MAP4K3: variants seen among roughly 807,000 people sequenced by gnomAD.
The protein encoded by MAP4K3 is MAPK/ERK kinase kinase kinase 3.
Under a neutral mutation model 143.5 loss-of-function variants are expected in MAP4K3, and 94 were observed. That is an observed-to-expected ratio of 0.65 (90% CI 0.55 to 0.78). The LOEUF is 0.78. Ranked by LOEUF, MAP4K3 falls within the 30% of genes least tolerant of loss-of-function variation. The pLI, the probability that MAP4K3 is intolerant of heterozygous loss-of-function variation, is 0.00. For missense variants in MAP4K3, 1,077 were observed against 1,068.1 expected, an observed-to-expected ratio of 1.01 and a Z score of -0.12; for synonymous variants, 416 against 347.2, an observed-to-expected ratio of 1.20 and a Z score of -2.20.
intron 1 of MAP4K3, among the ~76,000 whole-genome samples, chr2:39,384,112 T>TAA (rs59384266): frequency 1.6e-4 from 22 of 139,004 alleles, no homozygotes; most frequent in Admixed American, 8.7e-4. Flanking sequence ...AGACCAGTAT[T>TAA]AAAAAAAAAA....
intron 3 of MAP4K3, 49 bp downstream of exon 3, chr2:39,356,200 T>G (rs1433798433): frequency 9.4e-7 from 1 of 1,060,072 alleles, no homozygotes; most frequent in African/African-American, 1.6e-5. Flanking sequence ...TTTAATGCAT[T>G]AGGTGATGAA....
At chr2:39,412,582 A>T (rs1233765180) in intron 1 of MAP4K3, among the ~76,000 whole-genome samples, 1 of 152,088 alleles carries the variant, frequency 6.6e-6, no homozygotes, top group African/African-American at 2.4e-5. Flanking sequence ...AAAAAATAAA[A>T]CCCTAGAAAC....
intron 1 of MAP4K3, among the ~76,000 whole-genome samples, chr2:39,401,609 G>A (rs906744860): frequency 5.9e-5 from 9 of 152,044 alleles, no homozygotes; most frequent in Non-Finnish European, 2.9e-5. Context: ...AGACCAGCCT[G>A]GGTGACACGG....
At chr2:39,366,984 C>T (rs1665941089) in intron 2 of MAP4K3, among the ~76,000 whole-genome samples, 1 of 152,122 alleles carries the variant, frequency 6.6e-6, no homozygotes, top group African/African-American at 2.4e-5. Context: ...TTGATTCCTA[C>T]TTATTTCAAA....
At chr2:39,317,846 G>A (rs1330915797) in intron 12 of MAP4K3, among the ~76,000 whole-genome samples, 5 of 152,082 alleles carry the variant, frequency 3.3e-5, no homozygotes, top group Non-Finnish European at 7.4e-5. Context: ...AAGCAGTCTG[G>A]GGATTTCTCA....
Position 39,288,145 on chromosome 2 carries a change from G to T in MAP4K3, c.1450C>A (p.Pro484Thr). Residue 484 changes from proline (P) to threonine (T), a missense_variant, in exon 20 of 34, where the codon CCC becomes ACC. This residue lies in a region of MAP4K3 where 864 missense variants were observed against 801.2 expected (regional missense o/e 1.08). Coordinates refer to ENST00000263881, the MANE Select transcript of MAP4K3 (RefSeq NM_003618.4). ...CCTAAGGCAACAGGTTTGTGTGGGG[G>T]TAATCTGGGAGGTGGTGGTCTAGGT... Reference protein sequence around the residue: ...VPPRPPPPRLPPHKPVALGNG... With the variant: ...VPPRPPPPRLTPHKPVALGNG... The T allele has an allele frequency of 1.9e-6, 3 of 1,614,102 alleles. No individual in the cohort carries two copies. Among genetic ancestry groups the T allele is most frequent in the Non-Finnish European group, 2.5e-6 (3 of 1,180,004 alleles).
intron 1 of MAP4K3, among the ~76,000 whole-genome samples, chr2:39,409,679 T>C (rs987393575): frequency 6.6e-5 from 10 of 152,202 alleles, no homozygotes; most frequent in African/African-American, 1.7e-4. Context: ...ATAGTAGATA[T>C]TGAGATATAC....
At chr2:39,285,600 AAT>A (rs1274835909) in intron 21 of MAP4K3, among the ~76,000 whole-genome samples, 2 of 150,958 alleles carry the variant, frequency 1.3e-5, no homozygotes, top group African/African-American at 2.5e-5. Context: ...TTTTAAGAAT[AAT>A]ATGTCATATT....
intron 3 of MAP4K3, among the ~76,000 whole-genome samples, chr2:39,351,708 A>T (rs1240105968): frequency 6.6e-6 from 1 of 152,184 alleles, no homozygotes; most frequent in Admixed American, 6.5e-5. Flanking sequence ...TCGCTCTGTC[A>T]CTCAGGCTGG....
At chr2:39,277,380 A>G (rs922412384) in intron 24 of MAP4K3, among the ~76,000 whole-genome samples, 1 of 152,216 alleles carries the variant, frequency 6.6e-6, no homozygotes, top group Non-Finnish European at 1.5e-5. Flanking sequence ...ATCTCCCCAC[A>G]GGAGGTGCTG....
intron 3 of MAP4K3, among the ~76,000 whole-genome samples, chr2:39,348,427 A>G (rs1164268589): frequency 6.6e-6 from 1 of 152,160 alleles, no homozygotes. Context: ...ATTTAGTTAA[A>G]GTCTAGTATT....
At chr2:39,309,547 G>GGTT in intron 13 of MAP4K3, 28 bp from the exon 14 acceptor site, 1 of 620,254 alleles carries the variant, frequency 1.6e-6, no homozygotes, top group East Asian at 3.7e-5. Context: ...GTAAAACCAG[G>GGTT]ATTTTTTTTT....
At chr2:39,365,313 G>GT (rs765151950) in intron 2 of MAP4K3, among the ~76,000 whole-genome samples, 4 of 152,122 alleles carry the variant, frequency 2.6e-5, no homozygotes, top group Non-Finnish European at 5.9e-5. Context: ...CATTATGATG[G>GT]TAACATCATG....
At chr2:39,436,710 G>C (rs781309183) in intron 1 of MAP4K3, 182 bp downstream of exon 1, 119 of 599,120 alleles carry the variant, frequency 2.0e-4, no homozygotes, top group Non-Finnish European at 3.3e-4. Flanking sequence ...GGAGGTCTCG[G>C]GGTTAAACAT....
intron 21 of MAP4K3, among the ~76,000 whole-genome samples, chr2:39,284,714 T>C (rs1681687624): frequency 6.6e-6 from 1 of 151,254 alleles, no homozygotes; most frequent in South Asian, 2.1e-4. Flanking sequence ...CGTGGTGGCG[T>C]GCACCTGTAA....
chr2:39,295,072 T>A (rs1682212675), intron 16 of MAP4K3, among the ~76,000 whole-genome samples: 1 of 152,028 alleles, frequency 6.6e-6, no homozygotes, highest in South Asian at 2.1e-4. Context: ...TACTTTTTTT[T>A]ACTAATATTA....
At chr2:39,251,125 G>A (rs2148427622) in intron 33 of MAP4K3, among the ~76,000 whole-genome samples, 1 of 152,314 alleles carries the variant, frequency 6.6e-6, no homozygotes, top group South Asian at 2.1e-4. Flanking sequence ...GGGGGCCAGG[G>A]CGCTCACAGA....
Position 39,293,203 on chromosome 2 carries a change from T to C in MAP4K3, c.1217+27A>G, listed in dbSNP as rs1558627690. 7 of 1,476,088 alleles carry C rather than the reference T, an allele frequency of 4.7e-6. No individual in the cohort carries two copies. In the South Asian group the frequency reaches 8.7e-5, roughly 18 times the overall value. The allele number at this position is 1,476,088 out of a possible 1,614,324, so 91.4% of individuals were successfully genotyped here. On this transcript the variant is annotated intron_variant, in intron 17 of 33. Coordinates refer to ENST00000263881, the MANE Select transcript of MAP4K3 (RefSeq NM_003618.4). ...GACTTTACTTGTCTGTGACATAAAGTACTTTAAGATTAAAAATTAAAATTA... is the reference window on the plus strand; with the variant it reads ...GACTTTACTTGTCTGTGACATAAAGCACTTTAAGATTAAAAATTAAAATTA...
chr2:39,421,716 C>T (rs1363491989), intron 1 of MAP4K3, among the ~76,000 whole-genome samples: 2 of 152,110 alleles, frequency 1.3e-5, no homozygotes, highest in Admixed American at 6.5e-5. Context: ...ATCTAATGTT[C>T]TCTATTATTC....
Sources: gnomAD v4.1 joint callset for allele counts (sites outside exome capture counted in the v4.1 genomes callset) on GRCh38, gnomAD v4.1.1 for gene constraint, gnomAD v4.1.1 regional missense constraint, MANE v1.5 for transcripts, NCBI Gene and HGNC (gene_info 2026-07-23, HGNC 2026-07-21) for gene names.